Variants in FBXO21 observed in about 807,000 individuals in gnomAD.
FBXO21 encodes the protein F-box only protein 21.
Under a neutral mutation model 76.6 loss-of-function variants are expected in FBXO21, and 32 were observed. The ratio of observed to expected loss-of-function variants is 0.42; its 90% CI spans 0.32 to 0.56. The LOEUF is 0.56. Ranked by LOEUF, FBXO21 falls within the 20% of genes least tolerant of loss-of-function variation. The pLI is 0.16. For synonymous variants in FBXO21, 328 were observed against 311.5 expected (o/e 1.05, Z -0.56); for missense variants, 586 against 797.3 (o/e 0.73, Z 3.19).
In FBXO21 at chr12:117,186,432, T is replaced by C. The variant is rs772170149; in HGVS notation, c.470+45A>G. The stretch of plus-strand genomic sequence containing the variant: ...ACACAGAAATTACAGCAATTTACTC[T>C]GGACTTATTAAAGCAAACAAATCCC... On this transcript the variant is annotated intron_variant, in intron 3 of 11. Transcript: ENST00000622495. 8 of 1,276,342 alleles carry C rather than the reference T, an allele frequency of 6.3e-6. No homozygotes were observed. The South Asian group carries it at 8.4e-5, about 13-fold the overall frequency. The allele number at this position is 1,276,342 out of a possible 1,614,324, so 79.1% of individuals were successfully genotyped here.
Position 117,142,470 on chromosome 12 carries a change from T to A in FBXO21, c.*3617A>T, listed in dbSNP as rs1297052174. On this transcript the variant is annotated 3_prime_UTR_variant, in exon 12 of 12. Coordinates refer to ENST00000622495, the MANE Select transcript of FBXO21 (RefSeq NM_015002.3). ...AACATGTGACAGTCTGTACGTGGCC[T>A]GCAAAGCCTAAAATCTTTACTATCT... 1 of 152,242 alleles carries A rather than the reference T, an allele frequency of 6.6e-6. No homozygotes were observed. The highest frequency in any genetic ancestry group is 2.4e-5 in the African/African-American group (1 of 41,446). 9.4% of individuals were successfully genotyped at this position (152,242 alleles called of 1,614,324 possible).
chr12:117,158,506 C>T (rs757731429), intron 9 of FBXO21, among the ~76,000 whole-genome samples: 9 of 151,952 alleles, frequency 5.9e-5, no homozygotes, highest in Non-Finnish European at 1.2e-4. Flanking sequence ...TTGCCACTCA[C>T]GAATTCAGAG....
chr12:117,155,965 G>T lies in FBXO21; in HGVS notation c.1518-17C>A, dbSNP rs1426007151. 1 of 1,612,708 alleles carries T rather than the reference G, an allele frequency of 6.2e-7. No homozygotes were observed. Among genetic ancestry groups the T allele is most frequent in the South Asian group, 1.1e-5 (1 of 91,058 alleles). ...TAGCCATACCTAGTTAACACAGGAG[G>T]AGCAGTCAGTCCCTGCAGACCCGGC... is the stretch of plus-strand genomic sequence containing the variant. On this transcript the variant is annotated splice_polypyrimidine_tract_variant and intron_variant, in intron 10 of 11. Coordinates refer to ENST00000622495, the MANE Select transcript of FBXO21 (RefSeq NM_015002.3).
intron 9 of FBXO21, among the ~76,000 whole-genome samples, chr12:117,159,308 T>G (rs1325075583): frequency 8.2e-4 from 97 of 117,962 alleles, no homozygotes; most frequent in Middle Eastern, 4.2e-3. Context: ...GAGGATTAGG[T>G]GGAAAAAAAA....
At chr12:117,151,815 G>T (rs1565995267) in intron 11 of FBXO21, among the ~76,000 whole-genome samples, 1 of 152,116 alleles carries the variant, frequency 6.6e-6, no homozygotes, top group Non-Finnish European at 1.5e-5. Flanking sequence ...GAATAACAGT[G>T]GTGGAAAAAT....
intron 11 of FBXO21, among the ~76,000 whole-genome samples, chr12:117,147,991 C>T (rs1955797724): frequency 6.6e-6 from 1 of 152,206 alleles, no homozygotes; most frequent in Non-Finnish European, 1.5e-5. Flanking sequence ...ACAGCGTGGC[C>T]TATTATTTCT....
intron 11 of FBXO21, 130 bp downstream of exon 11, chr12:117,155,661 G>T: frequency 9.6e-7 from 1 of 1,045,334 alleles, no homozygotes; most frequent in Non-Finnish European, 1.4e-6. Context: ...CCCGAAGGAG[G>T]CCGGCCATGG....
intron 3 of FBXO21, among the ~76,000 whole-genome samples, chr12:117,179,958 A>AT (rs77580212): frequency 0.2 from 30,275 of 152,094 alleles, 3,424 homozygotes; most frequent in East Asian, 0.43. Context: ...TGACCAATTA[A>AT]TTTTTTAGTA....
chr12:117,180,997 T>C (rs964232942), intron 3 of FBXO21, among the ~76,000 whole-genome samples: 2 of 152,244 alleles, frequency 1.3e-5, no homozygotes, highest in Non-Finnish European at 2.9e-5. Context: ...AGATGCATTG[T>C]ATTTATACTG....
At chr12:117,147,597 CA>C (rs57318190) in intron 11 of FBXO21, among the ~76,000 whole-genome samples, 2,176 of 87,318 alleles carry the variant, frequency 0.025, 32 homozygotes, top group African/African-American at 0.09. Flanking sequence ...GACTCCATCT[CA>C]AAAAAAAAAA....
At chr12:117,156,097 A>G (rs978977549) in intron 10 of FBXO21, 149 bp from the exon 11 acceptor site, 2 of 644,132 alleles carry the variant, frequency 3.1e-6, no homozygotes, top group Non-Finnish European at 5.4e-6. Flanking sequence ...CCTTTTATAA[A>G]CACCTCTTAT....
rs565328973 is a variant in FBXO21, at chr12:117,143,110, G to A, written c.*2977C>T. 5 of 152,288 alleles carry A rather than the reference G, an allele frequency of 3.3e-5. No individual in the cohort carries two copies. Among genetic ancestry groups the A allele is most frequent in the East Asian group, 3.9e-4 (2 of 5,186 alleles). The allele number at this position is 152,288 out of a possible 1,614,324, so 9.4% of individuals were successfully genotyped here. A position where few individuals can be genotyped will look rare whatever the true frequency, so the allele number is the denominator to read the frequency against. On this transcript the variant is annotated 3_prime_UTR_variant, in exon 12 of 12. Transcript: ENST00000622495. ...TGCAAACATGACGCCTGGCAAAACC[G>A]GTCTGATTCTAAGGTAAACTCATTT...
At chr12:117,156,303 T>C (rs778205412) in intron 10 of FBXO21, among the ~76,000 whole-genome samples, 1 of 152,036 alleles carries the variant, frequency 6.6e-6, no homozygotes, top group Non-Finnish European at 1.5e-5. Flanking sequence ...TGACTCAAGA[T>C]AGGGAAGGTT....
rs199813359 is a variant in FBXO21, at chr12:117,165,578, C to A, written c.1233G>T (p.Ser411=). The change falls in exon 9 of 12, where the codon TCG becomes TCT. Residue 411 remains serine (S), a synonymous_variant. Coordinates refer to ENST00000622495, the MANE Select transcript of FBXO21 (RefSeq NM_015002.3). ...IDQSYQLLRD[S]LDLYLAMYPD... is the part of the protein sequence containing the mutation. ...GGTACATTGCCAGATAGAGATCCAG[C>A]GAGTCTCTCAGGAGCTGGTATGACT... 6.2e-7 allele frequency: 1 copy of A among 1,613,490 alleles called. No homozygotes were observed. The highest frequency in any genetic ancestry group is 1.1e-5 in the South Asian group (1 of 91,030).
In FBXO21 at chr12:117,189,382, C is replaced by T. The variant is rs1242076984; in HGVS notation, c.240-20G>A. 1 of 1,613,944 alleles carries T rather than the reference C, an allele frequency of 6.2e-7. No homozygotes were observed. Among genetic ancestry groups the T allele is most frequent in the Non-Finnish European group, 8.5e-7 (1 of 1,179,916 alleles). ...GGCCACCTACGAGGAGAGAAACACCCCCTCAGCTTAACAGAAACTCAAAGG... is the reference window on the plus strand; with the variant it reads ...GGCCACCTACGAGGAGAGAAACACCTCCTCAGCTTAACAGAAACTCAAAGG... On this transcript the variant is annotated intron_variant, in intron 1 of 11. Transcript: ENST00000622495.
Position 117,143,476 on chromosome 12 carries a change from G to A in FBXO21, c.*2611C>T, listed in dbSNP as rs967307850. ...TCAAATCAACGGCAACAGAACGCAC[G>A]AAGAACCTGGTTTTCTTTCAAAGCA... On this transcript the variant is annotated 3_prime_UTR_variant, in exon 12 of 12. Transcript: ENST00000622495. 6 of 152,204 alleles carry A rather than the reference G, an allele frequency of 3.9e-5. No individual in the cohort carries two copies. The highest frequency in any genetic ancestry group is 1.2e-4 in the African/African-American group (5 of 41,434). 9.4% of individuals were successfully genotyped at this position (152,204 alleles called of 1,614,324 possible). A position where few individuals can be genotyped will look rare whatever the true frequency, so the allele number is the denominator to read the frequency against.
intron 10 of FBXO21, among the ~76,000 whole-genome samples, chr12:117,156,448 A>C (rs1047712245): frequency 6.6e-6 from 1 of 152,218 alleles, no homozygotes; most frequent in Non-Finnish European, 1.5e-5. Flanking sequence ...AGGAACTCTC[A>C]TTAGATACTG....
chr12:117,143,026 A>C lies in FBXO21; in HGVS notation c.*3061T>G, dbSNP rs945458806. Reference sequence around the variant, plus strand: ...GCGCTTATAATGGGGATCTGTTATGAGTCTCAGGCAGGCGACATGAAAGCC... The same window carrying C: ...GCGCTTATAATGGGGATCTGTTATGCGTCTCAGGCAGGCGACATGAAAGCC... On this transcript the variant is annotated 3_prime_UTR_variant, in exon 12 of 12. Coordinates refer to ENST00000622495, the MANE Select transcript of FBXO21 (RefSeq NM_015002.3). The C allele has an allele frequency of 6.6e-6, 1 of 152,236 alleles. No individual in the cohort carries two copies. The allele number at this position is 152,236 out of a possible 1,614,324, so 9.4% of individuals were successfully genotyped here.
intron 3 of FBXO21, 82 bp downstream of exon 3, chr12:117,186,395 C>T: frequency 1.1e-6 from 1 of 940,266 alleles, no homozygotes; most frequent in South Asian, 1.4e-5. Flanking sequence ...TCACATATTC[C>T]AGGGTTTAGC....
Sources: gnomAD v4.1 joint callset for allele counts (sites outside exome capture counted in the v4.1 genomes callset) on GRCh38, gnomAD v4.1.1 for gene constraint, MANE v1.5 for transcripts, NCBI Gene and HGNC (gene_info 2026-07-23, HGNC 2026-07-21) for gene names.